LRRC37A2: variants seen among roughly 807,000 people sequenced by gnomAD.
LRRC37A2 encodes leucine-rich repeat-containing protein 37A2.
In LRRC37A2, 9 loss-of-function variants were observed where a neutral mutation model predicts 68.8. The observed-to-expected ratio is 0.13, with a 90% CI of 0.08 to 0.23. The LOEUF (loss-of-function observed/expected upper bound fraction) is 0.23. Ranked by LOEUF, LRRC37A2 falls within the 10% of genes least tolerant of loss-of-function variation. LRRC37A2 has a pLI of 1.00. For missense variants in LRRC37A2, 168 were observed against 950.4 expected (o/e 0.18, Z 10.82); for synonymous variants, 63 against 367.6 (o/e 0.17, Z 9.48).
the LRRC37A2 span, chr17:46,923,177 C>T: frequency 1.2e-5 from 18 of 1,526,466 alleles, no homozygotes; most frequent in Middle Eastern, 1.7e-4. Context: ...GAGCCGTGGC[C>T]TGCGGGGCCG....
the LRRC37A2 span, among the ~76,000 whole-genome samples, chr17:46,823,794 A>G: frequency 2.4e-3 from 367 of 151,924 alleles, 2 homozygotes; most frequent in Non-Finnish European, 3.1e-4. Flanking sequence ...GAAGGGAGGG[A>G]ATGGGGTGGG....
the LRRC37A2 span, among the ~76,000 whole-genome samples, chr17:46,934,220 C>A: frequency 1.4e-5 from 2 of 138,384 alleles, no homozygotes; most frequent in East Asian, 3.9e-4. Context: ...TGATCTTGGA[C>A]AAGTTATTCT....
chr17:46,745,051 T>C, the LRRC37A2 span, among the ~76,000 whole-genome samples: 1 of 152,152 alleles, frequency 6.6e-6, no homozygotes, highest in South Asian at 2.1e-4. Flanking sequence ...GCTTTTTTTT[T>C]TGCTTTCCGT....
At chr17:46,877,082 T>G in the LRRC37A2 span, 32 of 1,063,786 alleles carry the variant, frequency 3.0e-5, no homozygotes, top group African/African-American at 5.0e-5. Flanking sequence ...GATGAATGGC[T>G]TGGAGCCAGC....
the LRRC37A2 span, among the ~76,000 whole-genome samples, chr17:46,750,419 A>G: frequency 6.6e-6 from 1 of 152,184 alleles, no homozygotes; most frequent in African/African-American, 2.4e-5. Context: ...GGAATATTGC[A>G]TTATATTTAG....
the LRRC37A2 span, among the ~76,000 whole-genome samples, chr17:46,851,060 C>A: frequency 0.014 from 2,057 of 152,354 alleles, 55 homozygotes; most frequent in African/African-American, 0.047. The surrounding 1 kb of genome is among the most constrained non-coding windows in gnomAD (Gnocchi z 4.3). Context: ...GCATTTCCCC[C>A]GCTTCCAGAG....
At chr17:46,947,468 GAT>G in the LRRC37A2 span, among the ~76,000 whole-genome samples, 1 of 152,212 alleles carries the variant, frequency 6.6e-6, no homozygotes, top group Non-Finnish European at 1.5e-5. Flanking sequence ...ATGCTGCTGA[GAT>G]ACTGATGAGA....
chr17:46,981,114 T>C, the LRRC37A2 span, among the ~76,000 whole-genome samples: 1 of 152,200 alleles, frequency 6.6e-6, no homozygotes. Context: ...AGGCAAAAGA[T>C]GCTGCCTGGA....
the LRRC37A2 span, among the ~76,000 whole-genome samples, chr17:46,991,464 C>G: frequency 1.2e-3 from 185 of 151,816 alleles, 1 homozygote; most frequent in African/African-American, 4.4e-3. Flanking sequence ...CCATCTCTAT[C>G]AAAAATACAA....
At chr17:46,741,249 C>CT in the LRRC37A2 span, among the ~76,000 whole-genome samples, 150 of 152,322 alleles carry the variant, frequency 9.8e-4, no homozygotes, top group Middle Eastern at 3.4e-3. Context: ...ATGAGGTAAT[C>CT]TTTAAGAGCT....
chr17:46,953,269 T>A, the LRRC37A2 span, among the ~76,000 whole-genome samples: 1 of 151,684 alleles, frequency 6.6e-6, no homozygotes, highest in Non-Finnish European at 1.5e-5. Context: ...CATTGTTCAA[T>A]TCCCACCTAT....
the LRRC37A2 span, among the ~76,000 whole-genome samples, chr17:46,995,578 G>A: frequency 1.3e-5 from 2 of 152,158 alleles, no homozygotes; most frequent in African/African-American, 2.4e-5. Context: ...CTGGAATATA[G>A]CGTGGAAAGG....
At chr17:46,812,836 T>G in the LRRC37A2 span, among the ~76,000 whole-genome samples, 1 of 152,212 alleles carries the variant, frequency 6.6e-6, no homozygotes, top group African/African-American at 2.4e-5. Flanking sequence ...TGAAAATAGC[T>G]AACATCGATA....
At chr17:46,823,655 G>A in the LRRC37A2 span, among the ~76,000 whole-genome samples, 1 of 152,164 alleles carries the variant, frequency 6.6e-6, no homozygotes, top group African/African-American at 2.4e-5. Context: ...AGCCAAGCTG[G>A]TCTTGAACTC....
the LRRC37A2 span, among the ~76,000 whole-genome samples, chr17:46,864,070 C>T: frequency 6.6e-6 from 1 of 152,226 alleles, no homozygotes; most frequent in East Asian, 1.9e-4. Flanking sequence ...CAAGGCATTC[C>T]CCAGAGGCCT....
chr17:46,733,763 A>G, the LRRC37A2 span, among the ~76,000 whole-genome samples: 1 of 152,202 alleles, frequency 6.6e-6, no homozygotes, highest in South Asian at 2.1e-4. Context: ...TGGAAACTTT[A>G]AACTTTTACA....
the LRRC37A2 span, among the ~76,000 whole-genome samples, chr17:46,847,967 A>AGTGTGTGTGTGTGT: frequency 2.1e-3 from 321 of 149,692 alleles, 3 homozygotes; most frequent in African/African-American, 6.9e-3. Flanking sequence ...TGATTTCCAA[A>AGTGTGTGTGTGTGT]GTGTGTGTGT....
the LRRC37A2 span, among the ~76,000 whole-genome samples, chr17:46,752,983 G>A: frequency 4.0e-3 from 610 of 152,240 alleles, 2 homozygotes; most frequent in African/African-American, 0.014. Context: ...TGGCCAAGCC[G>A]GTCTCGATCT....
chr17:46,858,316 A>G, the LRRC37A2 span, among the ~76,000 whole-genome samples: 3 of 151,998 alleles, frequency 2.0e-5, no homozygotes, highest in Non-Finnish European at 2.9e-5. Flanking sequence ...TCATTTTCTT[A>G]TTGATGTCTT....
Sources: gnomAD v4.1 joint callset for allele counts (sites outside exome capture counted in the v4.1 genomes callset) on GRCh38, gnomAD v4.1.1 for gene constraint, Gnocchi (gnomAD v3.1) non-coding constraint, MANE v1.5 for transcripts, NCBI Gene and HGNC (gene_info 2026-07-23, HGNC 2026-07-21) for gene names.